Variants in LHFPL2 observed in about 807,000 individuals in gnomAD.
The protein encoded by LHFPL2 is LHFPL tetraspan subfamily member 2 protein.
Under a neutral mutation model 17.5 loss-of-function variants are expected in LHFPL2, and 7 were observed. That is an observed-to-expected ratio of 0.40 (90% CI 0.23 to 0.75). LHFPL2 has a LOEUF of 0.75. LHFPL2 is among the 30% of genes least tolerant of loss of function. LHFPL2 has a pLI of 0.37. For synonymous variants in LHFPL2, 134 were observed against 116.2 expected (o/e 1.15, Z -0.99); for missense variants, 241 against 294.8 (o/e 0.82, Z 1.34).
intron 1 of LHFPL2, chr5:78,644,237 A>G: frequency 2.9e-6 from 2 of 691,002 alleles, no homozygotes; most frequent in Non-Finnish European, 2.6e-6. Context: ...TGCTTTATAG[A>G]TAAGAAAAAA....
intron 2 of LHFPL2, among the ~76,000 whole-genome samples, chr5:78,628,732 T>A (rs567474393): frequency 6.6e-6 from 1 of 152,206 alleles, no homozygotes. Context: ...AGAACTATTT[T>A]CCCCAGCCTG....
chr5:78,494,573 C>T, intron 4 of LHFPL2: 1 of 943,110 alleles, frequency 1.1e-6, no homozygotes, highest in East Asian at 1.2e-4. Flanking sequence ...TGGTCAGTCA[C>T]TTGGACTGCC....
chr5:78,585,368 T>C (rs1743344800), intron 2 of LHFPL2, among the ~76,000 whole-genome samples: 1 of 151,308 alleles, frequency 6.6e-6, no homozygotes, highest in Non-Finnish European at 1.5e-5. Flanking sequence ...TGACCCGATT[T>C]TCCAGGTGCC....
At chr5:78,593,675 C>T (rs1430793946) in intron 2 of LHFPL2, among the ~76,000 whole-genome samples, 1 of 152,154 alleles carries the variant, frequency 6.6e-6, no homozygotes, top group East Asian at 1.9e-4. Flanking sequence ...AGGATACACT[C>T]TTTGGGAGAA....
chr5:78,495,568 CAG>C (rs1194495163), intron 4 of LHFPL2, among the ~76,000 whole-genome samples: 2 of 152,158 alleles, frequency 1.3e-5, no homozygotes, highest in Non-Finnish European at 2.9e-5. Flanking sequence ...ATTCTAAGAA[CAG>C]AAACAAAAGA....
chr5:78,585,910 C>T (rs1212932351), intron 2 of LHFPL2, among the ~76,000 whole-genome samples: 1 of 152,212 alleles, frequency 6.6e-6, no homozygotes, highest in Non-Finnish European at 1.5e-5. Flanking sequence ...TAACAAGCAA[C>T]ACAAGCCGTT....
intron 2 of LHFPL2, among the ~76,000 whole-genome samples, chr5:78,601,583 G>A (rs932287549): frequency 1.3e-5 from 2 of 152,194 alleles, no homozygotes; most frequent in Non-Finnish European, 2.9e-5. Flanking sequence ...TGTCTGTGTA[G>A]CAAATTTATA....
chr5:78,488,789 ACGTGGCTTTGGTAGGTAAAGGTTAGTT>A lies in LHFPL2; in HGVS notation c.*81_*107del. 3 of 1,291,192 alleles carry A rather than the reference ACGTGGCTTTGGTAGGTAAAGGTTAGTT, an allele frequency of 2.3e-6. No homozygotes were observed. The highest frequency in any genetic ancestry group is 3.3e-6 in the Non-Finnish European group (3 of 922,676). 80.0% of individuals were successfully genotyped at this position (1,291,192 alleles called of 1,614,324 possible). On this transcript the variant is annotated 3_prime_UTR_variant, in exon 5 of 5. Coordinates refer to ENST00000380345, the MANE Select transcript of LHFPL2 (RefSeq NM_005779.3). ...TCCTGTTTAAGCCTCGGGCCGTGGA[ACGTGGCTTTGGTAGGTAAAGGTTAGTT>A]CTCCACTTGACTCAAATGATGAAAC...
chr5:78,540,896 C>T (rs548413885), intron 3 of LHFPL2, among the ~76,000 whole-genome samples: 2 of 152,306 alleles, frequency 1.3e-5, no homozygotes, highest in South Asian at 4.1e-4. Flanking sequence ...ACATTCTTGG[C>T]CTTTAACAAC....
intron 2 of LHFPL2, among the ~76,000 whole-genome samples, chr5:78,580,681 C>A (rs559441439): frequency 3.3e-5 from 5 of 152,258 alleles, no homozygotes; most frequent in African/African-American, 1.2e-4. Context: ...TTTCTGAGGG[C>A]TCTGTTCTGT....
At chr5:78,546,025 T>C (rs1467991537) in intron 3 of LHFPL2, among the ~76,000 whole-genome samples, 1 of 152,184 alleles carries the variant, frequency 6.6e-6, no homozygotes, top group African/African-American at 2.4e-5. Context: ...TGCTCTCCTA[T>C]ACCTTGGTCA....
chr5:78,623,652 C>T (rs1335980514), intron 2 of LHFPL2, among the ~76,000 whole-genome samples: 3 of 152,184 alleles, frequency 2.0e-5, no homozygotes, highest in Non-Finnish European at 4.4e-5. Context: ...GCACTCCCAC[C>T]TCACTTTTGT....
At chr5:78,499,174 T>A (rs1754696832) in intron 4 of LHFPL2, among the ~76,000 whole-genome samples, 3 of 152,180 alleles carry the variant, frequency 2.0e-5, no homozygotes, top group Admixed American at 6.5e-5. Context: ...GAAATGGAGA[T>A]GAAACTATAA....
At chr5:78,528,117 C>T (rs76554581) in intron 3 of LHFPL2, among the ~76,000 whole-genome samples, 1 of 152,216 alleles carries the variant, frequency 6.6e-6, no homozygotes, top group Non-Finnish European at 1.5e-5. Context: ...TAAACCAATG[C>T]ATTTCTTGTG....
chr5:78,579,538 T>C (rs1743007370), intron 2 of LHFPL2, among the ~76,000 whole-genome samples: 1 of 151,548 alleles, frequency 6.6e-6, no homozygotes, highest in South Asian at 2.1e-4. Flanking sequence ...TTCCCCTTCC[T>C]GTGTCCATGT....
chr5:78,627,728 C>T (rs1745102136), intron 2 of LHFPL2, among the ~76,000 whole-genome samples: 1 of 152,188 alleles, frequency 6.6e-6, no homozygotes, highest in Non-Finnish European at 1.5e-5. Flanking sequence ...CCACTCTGAA[C>T]AGAACTGCAT....
At chr5:78,583,614 A>T (rs1282702139) in intron 2 of LHFPL2, among the ~76,000 whole-genome samples, 33 of 150,796 alleles carry the variant, frequency 2.2e-4, no homozygotes, top group Admixed American at 6.6e-5. Context: ...ATTGGCCCCC[A>T]CTCTCTTCTG....
At chr5:78,589,914 G>A (rs567509960) in intron 2 of LHFPL2, among the ~76,000 whole-genome samples, 3 of 152,334 alleles carry the variant, frequency 2.0e-5, no homozygotes, top group Middle Eastern at 3.4e-3. Context: ...GACAATTATT[G>A]TAAGTTAAAA....
intron 2 of LHFPL2, among the ~76,000 whole-genome samples, chr5:78,608,850 T>G (rs1358158384): frequency 6.7e-6 from 1 of 150,370 alleles, no homozygotes; most frequent in Non-Finnish European, 1.5e-5. Context: ...GAGAATAGCA[T>G]GAACCCGGGA....
Sources: gnomAD v4.1 joint callset for allele counts (sites outside exome capture counted in the v4.1 genomes callset) on GRCh38, gnomAD v4.1.1 for gene constraint, MANE v1.5 for transcripts, NCBI Gene and HGNC (gene_info 2026-07-23, HGNC 2026-07-21) for gene names.